TMC7: variants seen among roughly 807,000 people sequenced by gnomAD.
The protein encoded by TMC7 is transmembrane channel like 7, also known as transmembrane channel-like protein 7.
A neutral mutation model predicts 82.9 loss-of-function variants in TMC7; 54 were observed. That is an observed-to-expected ratio of 0.65 (90% CI 0.52 to 0.82). TMC7 has a LOEUF of 0.82. Among genes scored for constraint, TMC7 ranks in the 40% least tolerant of loss-of-function variants. TMC7 has a pLI of 0.00. For missense variants in TMC7, 820 were observed against 901.2 expected, an observed-to-expected ratio of 0.91 and a Z score of 1.15; for synonymous variants, 350 against 337.9, an observed-to-expected ratio of 1.04 and a Z score of -0.39.
chr16:18,997,140 C>T (rs1443332716), intron 1 of TMC7, among the ~76,000 whole-genome samples: 2 of 152,148 alleles, frequency 1.3e-5, no homozygotes, highest in East Asian at 1.9e-4. Flanking sequence ...GGAGTGAGGG[C>T]GAGGACAGGG....
intron 2 of TMC7, among the ~76,000 whole-genome samples, chr16:19,014,586 C>T (rs566144094): frequency 6.6e-6 from 1 of 152,340 alleles, no homozygotes; most frequent in Non-Finnish European, 1.5e-5. Context: ...TGTTTCCTCT[C>T]TCGCCTTCAG....
chr16:19,046,661 C>G (rs1211211730), intron 11 of TMC7, among the ~76,000 whole-genome samples: 3 of 151,906 alleles, frequency 2.0e-5, no homozygotes. Flanking sequence ...ATAGCGAGAC[C>G]CTGTCCCTAC....
chr16:19,000,747 G>A (rs1224700869), intron 1 of TMC7, among the ~76,000 whole-genome samples: 1 of 152,108 alleles, frequency 6.6e-6, no homozygotes, highest in South Asian at 2.1e-4. Flanking sequence ...TTCCAGGTAC[G>A]GTGGCTCACC....
chr16:18,999,830 C>T (rs1372085382), intron 1 of TMC7, among the ~76,000 whole-genome samples: 3 of 152,008 alleles, frequency 2.0e-5, no homozygotes, highest in Non-Finnish European at 4.4e-5. Flanking sequence ...GTGGCGCGAT[C>T]TCGGCTCACT....
intron 2 of TMC7, among the ~76,000 whole-genome samples, chr16:19,015,618 T>C (rs763963856): frequency 1.0e-3 from 156 of 151,198 alleles, no homozygotes; most frequent in Non-Finnish European, 1.7e-3. Context: ...TTGCCCAGAC[T>C]GGCCAACATA....
intron 13 of TMC7, among the ~76,000 whole-genome samples, chr16:19,056,091 T>C (rs1021302935): frequency 1.3e-5 from 2 of 151,388 alleles, no homozygotes; most frequent in Middle Eastern, 6.8e-3. Flanking sequence ...TCTTTCTTTC[T>C]TTCTTTTTTT....
At chr16:19,002,868 A>G (rs2039166304) in intron 1 of TMC7, among the ~76,000 whole-genome samples, 1 of 152,248 alleles carries the variant, frequency 6.6e-6, no homozygotes, top group Non-Finnish European at 1.5e-5. Context: ...GGCTGGACCA[A>G]TTCAGTAGAA....
rs982588397 is a variant in TMC7 at position 19,061,872 on chromosome 16, T to G, written c.*29T>G. 1 of 1,603,340 alleles carries G rather than the reference T, an allele frequency of 6.2e-7. No individual in the cohort carries two copies. The highest frequency in any genetic ancestry group is 8.5e-7 in the Non-Finnish European group (1 of 1,172,602). ...GACTGAGCGTGAAGATGGTGCTGCC[T>G]GTTGCTTCTAAGCTGACCTAGTGAT... is the stretch of plus-strand genomic sequence containing the variant. On this transcript the variant is annotated 3_prime_UTR_variant, in exon 16 of 16. Transcript: ENST00000304381.
intron 1 of TMC7, among the ~76,000 whole-genome samples, chr16:18,995,511 C>G (rs1412273575): frequency 6.6e-6 from 1 of 152,156 alleles, no homozygotes; most frequent in Non-Finnish European, 1.5e-5. Flanking sequence ...AATGGGGTCC[C>G]ACACAGATGG....
chr16:18,997,729 C>CCTT (rs1567501076), intron 1 of TMC7, among the ~76,000 whole-genome samples: 2 of 119,484 alleles, frequency 1.7e-5, no homozygotes, highest in Non-Finnish European at 1.7e-5. Context: ...CAAATCCAGC[C>CCTT]TTTTTTTTTT....
At chr16:18,989,897 G>A (rs1258828988) in intron 1 of TMC7, among the ~76,000 whole-genome samples, 1 of 151,898 alleles carries the variant, frequency 6.6e-6, no homozygotes, top group Non-Finnish European at 1.5e-5. Context: ...TTTCATGCGC[G>A]TCCATGTGAA....
At chr16:19,053,434 G>A (rs1014570853) in intron 13 of TMC7, among the ~76,000 whole-genome samples, 7 of 149,710 alleles carry the variant, frequency 4.7e-5, no homozygotes, top group Admixed American at 2.0e-4. Flanking sequence ...ACAGAGTTTC[G>A]CTCTTGTTGC....
rs967585389 is a variant in TMC7 at position 19,021,493 on chromosome 16, T to A, written c.461-136T>A. 9 of 914,488 alleles carry A rather than the reference T, an allele frequency of 9.8e-6. No homozygotes were observed. The Admixed American group carries it at 2.4e-4, about 25-fold the overall frequency. 56.6% of individuals were successfully genotyped at this position (914,488 alleles called of 1,614,324 possible). A position where few individuals can be genotyped will look rare whatever the true frequency, so the allele number is the denominator to read the frequency against. ...GAAGATCGAGTCTTAAAGCTAACAA[T>A]TGAGAAAAAAATAAAACGTTTCTTC... On this transcript the variant is annotated intron_variant, in intron 3 of 15. Coordinates refer to ENST00000304381, the MANE Select transcript of TMC7 (RefSeq NM_024847.4).
intron 13 of TMC7, among the ~76,000 whole-genome samples, chr16:19,053,465 G>A (rs1027116152): frequency 1.2e-4 from 18 of 151,728 alleles, no homozygotes; most frequent in Admixed American, 3.3e-4. Flanking sequence ...GTGCAGTGGC[G>A]CGATCTTGGC....
At chr16:19,007,881 G>A (rs754716260) in intron 1 of TMC7, among the ~76,000 whole-genome samples, 6 of 151,172 alleles carry the variant, frequency 4.0e-5, no homozygotes, top group Non-Finnish European at 5.9e-5. Context: ...TATAACTGCC[G>A]CGTGAGTAGG....
chr16:19,054,716 CA>C (rs1183741068), intron 13 of TMC7, among the ~76,000 whole-genome samples: 96 of 101,580 alleles, frequency 9.5e-4, no homozygotes, highest in South Asian at 1.7e-3. Flanking sequence ...AACTCTGTCT[CA>C]AAAAAAAAAA....
intron 1 of TMC7, among the ~76,000 whole-genome samples, chr16:19,001,384 A>G (rs558935626): frequency 2.0e-5 from 3 of 152,300 alleles, no homozygotes; most frequent in Admixed American, 6.5e-5. Context: ...GTAAAAAATT[A>G]AAAAGGACAG....
chr16:19,054,201 A>G (rs1247470693), intron 13 of TMC7, among the ~76,000 whole-genome samples: 1 of 152,112 alleles, frequency 6.6e-6, no homozygotes, highest in Admixed American at 6.6e-5. Context: ...TTCCTATTGT[A>G]ATTTTATTTT....
At chr16:19,019,289 A>G (rs929405343) in intron 3 of TMC7, among the ~76,000 whole-genome samples, 23 of 152,244 alleles carry the variant, frequency 1.5e-4, no homozygotes, top group Admixed American at 1.2e-3. Flanking sequence ...TTTAAGACCT[A>G]TAAAATACAA....
Sources: allele counts gnomAD v4.1 joint callset (sites outside exome capture counted in the v4.1 genomes callset), GRCh38; gene constraint gnomAD v4.1.1; transcripts MANE v1.5; gene names NCBI Gene and HGNC (gene_info 2026-07-23, HGNC 2026-07-21).